The following AMBRA1 variants were observed in gnomAD, a reference collection of about 807,000 sequenced individuals.
AMBRA1 encodes autophagy and beclin 1 regulator 1.
A neutral mutation model predicts 125.4 loss-of-function variants in AMBRA1; 47 were observed. The ratio of observed to expected loss-of-function variants is 0.37; its 90% confidence interval spans 0.30 to 0.48. AMBRA1 has a LOEUF of 0.48. Ranked by LOEUF, AMBRA1 falls within the 20% of genes least tolerant of loss-of-function variation. AMBRA1 has a pLI of 0.99. For synonymous variants in AMBRA1, 626 were observed against 655.5 expected (o/e 0.95, Z 0.69); for missense variants, 1,331 against 1,693.4 (o/e 0.79, Z 3.76).
At chr11:46,465,336 T>C (rs977771991) in intron 11 of AMBRA1, among the ~76,000 whole-genome samples, 1 of 152,250 alleles carries the variant, frequency 6.6e-6, no homozygotes, top group African/African-American at 2.4e-5. Flanking sequence ...TCTTGGGAAC[T>C]GTAAGGAACA....
intron 11 of AMBRA1, among the ~76,000 whole-genome samples, chr11:46,489,344 C>T (rs558495036): frequency 6.6e-6 from 1 of 152,250 alleles, no homozygotes; most frequent in South Asian, 2.1e-4. Context: ...TGAGGTTTCA[C>T]CACGTTAGCC....
chr11:46,573,678 T>TTA (rs1234099198), intron 1 of AMBRA1, among the ~76,000 whole-genome samples: 8 of 149,838 alleles, frequency 5.3e-5, no homozygotes, highest in African/African-American at 1.5e-4. Context: ...TTTTTTTTTT[T>TTA]ATTATACTTT....
intron 12 of AMBRA1, 22 bp downstream of exon 12, chr11:46,443,466 C>A: frequency 6.3e-7 from 1 of 1,582,824 alleles, no homozygotes; most frequent in Non-Finnish European, 8.7e-7. Context: ...TCCACTGATA[C>A]CCCCATTTGA....
At chr11:46,484,770 G>A (rs539277140) in intron 11 of AMBRA1, among the ~76,000 whole-genome samples, 179 of 150,792 alleles carry the variant, frequency 1.2e-3, no homozygotes, top group African/African-American at 4.1e-3. Flanking sequence ...TCAGCCTCCC[G>A]AGTAGCTGGG....
intron 1 of AMBRA1, among the ~76,000 whole-genome samples, chr11:46,548,706 G>C (rs765496337): frequency 1.3e-5 from 2 of 152,102 alleles, no homozygotes; most frequent in Admixed American, 6.6e-5. Context: ...CTAAAGAAAG[G>C]ATCAGGCCAA....
At chr11:46,416,468 G>C (rs915800256) in intron 15 of AMBRA1, among the ~76,000 whole-genome samples, 2 of 152,166 alleles carry the variant, frequency 1.3e-5, no homozygotes, top group African/African-American at 2.4e-5. Flanking sequence ...CTGTCTTTGG[G>C]AGGAGCTCAA....
intron 7 of AMBRA1, among the ~76,000 whole-genome samples, chr11:46,524,330 C>T (rs976296575): frequency 6.6e-6 from 1 of 152,218 alleles, no homozygotes; most frequent in South Asian, 2.1e-4. Flanking sequence ...CAGTATGTGA[C>T]AGGTGAAGGC....
chr11:46,575,667 C>T (rs971794028), intron 1 of AMBRA1, among the ~76,000 whole-genome samples: 1 of 151,922 alleles, frequency 6.6e-6, no homozygotes, highest in African/African-American at 2.4e-5. Context: ...CAAGTGCACG[C>T]CACCACGCCC....
Position 46,397,518 on chromosome 11 carries a change from GGTT to G in AMBRA1, c.3826_3828del (p.Asn1276del). On this transcript the variant is annotated inframe_deletion, in exon 18 of 18. Transcript: ENST00000683756. Reference sequence around the variant, plus strand: ...CTGCTGCTGCCACCATCCAGAAGGTGGTTGTTATTGGTCAACTCGCAGTGGAGG... The same window carrying G: ...CTGCTGCTGCCACCATCCAGAAGGTGGTTATTGGTCAACTCGCAGTGGAGG... The G allele has an allele frequency of 2.0e-6, 3 of 1,537,898 alleles. No homozygotes were observed. Among genetic ancestry groups the G allele is most frequent in the Non-Finnish European group, 2.6e-6 (3 of 1,140,006 alleles).
At chr11:46,579,870 G>A (rs895143320) in intron 1 of AMBRA1, among the ~76,000 whole-genome samples, 1 of 152,124 alleles carries the variant, frequency 6.6e-6, no homozygotes, top group African/African-American at 2.4e-5. Flanking sequence ...GCACCACCAC[G>A]CCTGGCTAAC....
At position 46,419,236 on chromosome 11, in the gene AMBRA1, T is replaced by C. The variant is rs115952800; in HGVS notation, c.2977-1184A>G. Among the ~76,000 whole-genome samples, 409 of 152,304 alleles carry C rather than the reference T, an allele frequency of 2.7e-3. 2 individuals carry two copies. Among genetic ancestry groups the C allele is most frequent in the African/African-American group, 9.5e-3 (395 of 41,558 alleles). ...CGGCATATTTTCTAAGTATGTAGGG[T>C]TTGGGCTGAAGGTAAACTATGGCCT... On this transcript the variant is annotated intron_variant, in intron 14 of 17. Coordinates refer to ENST00000683756, the MANE Select transcript of AMBRA1 (RefSeq NM_001387011.1).
At chr11:46,540,603 A>G (rs1952689999) in intron 7 of AMBRA1, among the ~76,000 whole-genome samples, 1 of 152,154 alleles carries the variant, frequency 6.6e-6, no homozygotes, top group Non-Finnish European at 1.5e-5. Flanking sequence ...CTAAGAACCT[A>G]CACATACCAT....
chr11:46,435,096 T>C, intron 12 of AMBRA1, 59 bp from the exon 13 acceptor site: 1 of 1,463,748 alleles, frequency 6.8e-7, no homozygotes, highest in Non-Finnish European at 9.1e-7. Context: ...ACTGTAAAAA[T>C]TCTGGGGCCA....
Position 46,432,426 on chromosome 11 carries a change from G to A in AMBRA1, c.2976+1048C>T, listed in dbSNP as rs1355376701. On this transcript the variant is annotated intron_variant, in intron 14 of 17. Coordinates refer to ENST00000683756, the MANE Select transcript of AMBRA1 (RefSeq NM_001387011.1). ...AAGTGGCTCAGTGTAGTTGGACAGA[G>A]GATATCTGTAGGAGACAGGAGGGAG... 5.3e-5 allele frequency among the ~76,000 whole-genome samples: 8 copies of A among 152,294 alleles called. No individual in the cohort carries two copies. In the South Asian group the frequency reaches 1.5e-3, roughly 28 times the overall value.
At chr11:46,464,274 A>C (rs1949227799) in intron 11 of AMBRA1, among the ~76,000 whole-genome samples, 1 of 152,252 alleles carries the variant, frequency 6.6e-6, no homozygotes, top group South Asian at 2.1e-4. Context: ...CAATTAGAGA[A>C]TGCAGGCTTA....
rs757713476 is a variant in AMBRA1 at position 46,443,604 on chromosome 11, G to A, written c.2522-6C>T. 3.1e-6 allele frequency: 5 copies of A among 1,610,464 alleles called. No homozygotes were observed. The Admixed American group carries it at 8.3e-5, about 27-fold the overall frequency. On this transcript the variant is annotated splice_polypyrimidine_tract_variant and splice_region_variant and intron_variant, in intron 11 of 17. Coordinates refer to ENST00000683756, the MANE Select transcript of AMBRA1 (RefSeq NM_001387011.1). ...TCCATCACCGATCACTGCCCCTTAT[G>A]AGGAAGAAGTCAAAGACAGCACATT...
In AMBRA1 at chr11:46,520,359, A is replaced by G. The variant is rs143516185; in HGVS notation, c.2073-7546T>C. Among the ~76,000 whole-genome samples the G allele has an allele frequency of 4.4e-4, 67 of 152,278 alleles. 1 individual carries two copies. In the East Asian group the frequency reaches 0.013, roughly 29 times the overall value. On this transcript the variant is annotated intron_variant, in intron 7 of 17. Transcript: ENST00000683756. ...GAAAGAATGAGAGTGAAAAACACAAAGGATGTCTCAGCATTATTATAAAAA... is the reference window on the plus strand; with the variant it reads ...GAAAGAATGAGAGTGAAAAACACAAGGGATGTCTCAGCATTATTATAAAAA...
intron 1 of AMBRA1, among the ~76,000 whole-genome samples, chr11:46,556,869 G>T (rs1441602844): frequency 6.6e-6 from 1 of 152,190 alleles, no homozygotes; most frequent in Non-Finnish European, 1.5e-5. Flanking sequence ...GGTTGCGGTG[G>T]CTCATGCCTG....
chr11:46,509,680 G>T (rs550779166), intron 8 of AMBRA1, among the ~76,000 whole-genome samples: 137 of 152,152 alleles, frequency 9.0e-4, no homozygotes, highest in Admixed American at 1.7e-3. Flanking sequence ...TTAAGTGGGA[G>T]AAAAATTGAA....
Sources: gnomAD v4.1 joint callset for allele counts (sites outside exome capture counted in the v4.1 genomes callset) on GRCh38, gnomAD v4.1.1 for gene constraint, MANE v1.5 for transcripts, NCBI Gene and HGNC (gene_info 2026-07-23, HGNC 2026-07-21) for gene names.